Variants in ADIPOR2 observed in about 807,000 individuals in gnomAD.
ADIPOR2 encodes the protein adiponectin receptor protein 2.
Under a neutral mutation model 40.9 loss-of-function variants are expected in ADIPOR2, and 18 were observed. That is an observed-to-expected ratio of 0.44 (90% CI 0.30 to 0.65). ADIPOR2 has a LOEUF of 0.65. Among genes scored for constraint, ADIPOR2 ranks in the 30% least tolerant of loss-of-function variants. The pLI is 0.09. For missense variants in ADIPOR2, 283 were observed against 479.2 expected (o/e 0.59, Z 3.82); for synonymous variants, 165 against 166.4 (o/e 0.99, Z 0.06).
At chr12:1,773,015 C>T (rs1862518970) in intron 3 of ADIPOR2, 54 bp downstream of exon 3, 2 of 1,585,306 alleles carry the variant, frequency 1.3e-6, no homozygotes, top group East Asian at 4.5e-5. Context: ...CCTTCCAAAA[C>T]AGAAACCTTT....
intron 1 of ADIPOR2, among the ~76,000 whole-genome samples, chr12:1,748,205 A>G (rs536055603): frequency 2.6e-5 from 4 of 151,772 alleles, no homozygotes; most frequent in African/African-American, 4.8e-5. Context: ...ATTGATCTCT[A>G]TCTGAGGTGA....
chr12:1,732,154 A>G (rs1185063207), intron 1 of ADIPOR2, among the ~76,000 whole-genome samples: 1 of 152,192 alleles, frequency 6.6e-6, no homozygotes, highest in Non-Finnish European at 1.5e-5. Flanking sequence ...GTTACAGTTT[A>G]TGAACTGATG....
At chr12:1,764,690 A>T (rs1351779367) in intron 2 of ADIPOR2, among the ~76,000 whole-genome samples, 1 of 152,080 alleles carries the variant, frequency 6.6e-6, no homozygotes, top group Non-Finnish European at 1.5e-5. Flanking sequence ...TCCTCATAGT[A>T]ACTGCCTATT....
intron 1 of ADIPOR2, among the ~76,000 whole-genome samples, chr12:1,716,904 A>G (rs2094688755): frequency 6.6e-6 from 1 of 152,212 alleles, no homozygotes; most frequent in African/African-American, 2.4e-5. Context: ...GATGGCTGGA[A>G]TATTTTTTGT....
chr12:1,743,528 G>T (rs542161153), intron 1 of ADIPOR2, among the ~76,000 whole-genome samples: 2 of 151,850 alleles, frequency 1.3e-5, no homozygotes, highest in African/African-American at 2.4e-5. Context: ...AAATTAGCTG[G>T]GTGTGGTGGG....
intron 1 of ADIPOR2, among the ~76,000 whole-genome samples, chr12:1,714,652 C>T (rs1234924899): frequency 1.3e-5 from 2 of 151,900 alleles, no homozygotes; most frequent in Admixed American, 6.5e-5. Context: ...TGATCTGAGT[C>T]GAGGACCCGG....
chr12:1,754,557 G>A (rs760006786), intron 2 of ADIPOR2, 43 bp downstream of exon 2: 130 of 1,562,468 alleles, frequency 8.3e-5, no homozygotes, highest in Non-Finnish European at 1.1e-4. Context: ...AAAAAATGTG[G>A]AGGAAGTGGC....
intron 1 of ADIPOR2, chr12:1,730,809 T>G (rs183438489): frequency 2.0e-5 from 3 of 152,248 alleles, no homozygotes; most frequent in African/African-American, 7.2e-5. Flanking sequence ...AAATCATAAC[T>G]TTTTAAAAAG....
At chr12:1,708,063 AAAAT>A (rs2094667215) in intron 1 of ADIPOR2, among the ~76,000 whole-genome samples, 1 of 152,254 alleles carries the variant, frequency 6.6e-6, no homozygotes, top group Non-Finnish European at 1.5e-5. Context: ...ATGCGAATAA[AAAAT>A]AATACAAATA....
intron 1 of ADIPOR2, among the ~76,000 whole-genome samples, chr12:1,692,729 C>CT (rs375848450): frequency 0.32 from 46,570 of 146,520 alleles, 7,626 homozygotes; most frequent in East Asian, 0.5. Context: ...AGCTGGTGCA[C>CT]TTTTTTTTTT....
At chr12:1,773,306 G>T (rs10848571) in intron 3 of ADIPOR2, among the ~76,000 whole-genome samples, 81,728 of 151,866 alleles carry the variant, frequency 0.54, 22,752 homozygotes, top group African/African-American at 0.67. Flanking sequence ...AATGCCCTCC[G>T]CAGGTCCCTT....
chr12:1,763,074 T>G (rs1862303886), intron 2 of ADIPOR2, among the ~76,000 whole-genome samples: 1 of 152,250 alleles, frequency 6.6e-6, no homozygotes, highest in Non-Finnish European at 1.5e-5. Flanking sequence ...TAGATTACGT[T>G]TACCTGTGCA....
In ADIPOR2 at chr12:1,693,026, A is replaced by C. The variant is rs929886508; in HGVS notation, c.-87+1835A>C. ...AAAAATTAGCCGGGTGTGGTGGCGC[A>C]CTCTTGTTATCCCAGCTGCCCGGGA... On this transcript the variant is annotated intron_variant, in intron 1 of 7. Coordinates refer to ENST00000357103, the MANE Select transcript of ADIPOR2 (RefSeq NM_024551.3). Among the ~76,000 whole-genome samples, 9 of 151,952 alleles carry C rather than the reference A, an allele frequency of 5.9e-5. No homozygotes were observed. The East Asian group carries it at 1.7e-3, about 29-fold the overall frequency.
At chr12:1,783,252 T>G (rs1862759590) in intron 6 of ADIPOR2, among the ~76,000 whole-genome samples, 1 of 152,116 alleles carries the variant, frequency 6.6e-6, no homozygotes, top group Non-Finnish European at 1.5e-5. Context: ...TTGCTTGTAT[T>G]GTAACCTGTG....
At chr12:1,705,214 A>G (rs546279467) in intron 1 of ADIPOR2, among the ~76,000 whole-genome samples, 1 of 152,352 alleles carries the variant, frequency 6.6e-6, no homozygotes, top group Admixed American at 6.5e-5. Flanking sequence ...TAGTTTAAAC[A>G]GTGGGCTATG....
At chr12:1,708,381 G>T (rs2094668234) in intron 1 of ADIPOR2, among the ~76,000 whole-genome samples, 1 of 151,974 alleles carries the variant, frequency 6.6e-6, no homozygotes, top group Admixed American at 6.6e-5. Flanking sequence ...TCTTAATTTT[G>T]TTGAGTCCAG....
At chr12:1,700,651 G>T (rs2094648247) in intron 1 of ADIPOR2, among the ~76,000 whole-genome samples, 1 of 152,168 alleles carries the variant, frequency 6.6e-6, no homozygotes, top group African/African-American at 2.4e-5. Context: ...AAAAATGGAA[G>T]TATGGTAAAA....
chr12:1,785,592 T>C (rs1862811053), intron 7 of ADIPOR2, among the ~76,000 whole-genome samples: 1 of 151,958 alleles, frequency 6.6e-6, no homozygotes, highest in Admixed American at 6.6e-5. Context: ...CAAGGGATCC[T>C]TGGGACCTTT....
At chr12:1,763,196 A>G (rs1862305385) in intron 2 of ADIPOR2, among the ~76,000 whole-genome samples, 1 of 152,200 alleles carries the variant, frequency 6.6e-6, no homozygotes, top group Non-Finnish European at 1.5e-5. Flanking sequence ...TAAAATTGAA[A>G]TCTCTGCAGT....
Sources: gnomAD v4.1 joint callset for allele counts (sites outside exome capture counted in the v4.1 genomes callset) on GRCh38, gnomAD v4.1.1 for gene constraint, MANE v1.5 for transcripts, NCBI Gene and HGNC (gene_info 2026-07-23, HGNC 2026-07-21) for gene names.